SLCO2A1: variants seen among roughly 807,000 people sequenced by gnomAD.
SLCO2A1 encodes solute carrier organic anion transporter family member 2A1.
SLCO2A1 carries 60 observed loss-of-function variants against 71.7 expected under a neutral mutation model. The observed-to-expected ratio is 0.84, with a 90% CI of 0.68 to 1.04. The LOEUF is 1.04. SLCO2A1 is among the 50% of genes least tolerant of loss of function. SLCO2A1 has a pLI of 0.00. For missense variants in SLCO2A1, 745 were observed against 813.4 expected (o/e 0.92, Z 1.02); for synonymous variants, 308 against 326.7 (o/e 0.94, Z 0.62).
intron 1 of SLCO2A1, among the ~76,000 whole-genome samples, chr3:134,009,936 C>T (rs1301361282): frequency 6.6e-6 from 1 of 152,176 alleles, no homozygotes. Context: ...GGCTGCCTCC[C>T]AATGTCCTCC....
At chr3:134,018,036 G>C (rs984409498) in intron 1 of SLCO2A1, among the ~76,000 whole-genome samples, 1 of 152,158 alleles carries the variant, frequency 6.6e-6, no homozygotes, top group African/African-American at 2.4e-5. Context: ...ACCACCAGAA[G>C]ACAAACTGAA....
chr3:133,958,176 T>C (rs1933940645), intron 3 of SLCO2A1, among the ~76,000 whole-genome samples: 2 of 152,106 alleles, frequency 1.3e-5, no homozygotes, highest in African/African-American at 4.8e-5. Flanking sequence ...GATCCCAGGG[T>C]GAGGTCAGGG....
chr3:133,942,906 T>TGGGTGAGCCTGGGGCC (rs1385794984), intron 10 of SLCO2A1, 138 bp from the exon 11 acceptor site: 2 of 860,234 alleles, frequency 2.3e-6, no homozygotes, highest in Non-Finnish European at 3.4e-6. Flanking sequence ...CCAGGGAAGC[T>TGGGTGAGCCTGGGGCC]GGGTGAGCCT....
chr3:134,018,802 A>T (rs1278747674), intron 1 of SLCO2A1, among the ~76,000 whole-genome samples: 1 of 135,862 alleles, frequency 7.4e-6, no homozygotes, highest in Non-Finnish European at 1.5e-5. Flanking sequence ...TGTTTAATTT[A>T]GCATTCTGGA....
chr3:134,022,493 A>G (rs1415910876), intron 1 of SLCO2A1, among the ~76,000 whole-genome samples: 2 of 152,240 alleles, frequency 1.3e-5, no homozygotes, highest in African/African-American at 2.4e-5. Context: ...GTGTGTAAAC[A>G]TATTAGCTAA....
chr3:134,028,005 A>G (rs1344764712), intron 1 of SLCO2A1, among the ~76,000 whole-genome samples: 1 of 152,238 alleles, frequency 6.6e-6, no homozygotes, highest in Non-Finnish European at 1.5e-5. Context: ...TAGGAGGCCA[A>G]TTGGCCTGAG....
At chr3:134,021,126 AT>A (rs1239526657) in intron 1 of SLCO2A1, among the ~76,000 whole-genome samples, 1 of 152,008 alleles carries the variant, frequency 6.6e-6, no homozygotes, top group East Asian at 1.9e-4. Context: ...TTTGGTTTTG[AT>A]TTTGCTTTGG....
chr3:134,002,470 G>T (rs948350921), intron 1 of SLCO2A1, among the ~76,000 whole-genome samples: 7 of 152,202 alleles, frequency 4.6e-5, no homozygotes, highest in African/African-American at 1.4e-4. Flanking sequence ...GCAACCATTT[G>T]AGTTGAATAT....
chr3:133,994,679 C>T (rs1934927139), intron 1 of SLCO2A1, among the ~76,000 whole-genome samples: 1 of 152,276 alleles, frequency 6.6e-6, no homozygotes, highest in Non-Finnish European at 1.5e-5. Flanking sequence ...CTGGGCTTCA[C>T]ACTGAAGTCT....
rs1261874750 is a variant in SLCO2A1, at chr3:133,944,423, GGCTGAT to G, written c.1461+666_1461+671del. ...AAATGACTCAAGTCAGTTTGCTGCT[GGCTGAT>G]CCTAGGAGGTGTGGAGCCACAGAAA... On this transcript the variant is annotated intron_variant, in intron 10 of 13. Coordinates refer to ENST00000310926, the MANE Select transcript of SLCO2A1 (RefSeq NM_005630.3). Among the ~76,000 whole-genome samples the G allele has an allele frequency of 2.0e-5, 3 of 152,324 alleles. No homozygotes were observed. The East Asian group carries it at 5.8e-4, about 29-fold the overall frequency.
At chr3:133,966,754 G>C (rs1168209378) in intron 3 of SLCO2A1, among the ~76,000 whole-genome samples, 1 of 152,186 alleles carries the variant, frequency 6.6e-6, no homozygotes, top group Admixed American at 6.5e-5. Context: ...TGGGCCCAGT[G>C]GTTCCCATTT....
At chr3:133,996,611 G>A (rs1031409139) in intron 1 of SLCO2A1, among the ~76,000 whole-genome samples, 2 of 152,176 alleles carry the variant, frequency 1.3e-5, no homozygotes, top group African/African-American at 4.8e-5. Context: ...CTTCTGGCAT[G>A]GGAACATTTC....
rs189897821 is a variant in SLCO2A1 at position 133,980,810 on chromosome 3, C to G, written c.97-1192G>C. ...TCAGACAGAGCCCAGAACTCACTGC[C>G]TATCCATGTGTCCATGCTCACAGCC... On this transcript the variant is annotated intron_variant, in intron 1 of 13. Transcript: ENST00000310926. Among the ~76,000 whole-genome samples, 29 of 152,336 alleles carry G rather than the reference C, an allele frequency of 1.9e-4. No individual in the cohort carries two copies. In the East Asian group the frequency reaches 5.2e-3, roughly 27 times the overall value.
intron 1 of SLCO2A1, among the ~76,000 whole-genome samples, chr3:133,989,504 C>G (rs974642763): frequency 6.6e-6 from 1 of 152,210 alleles, no homozygotes; most frequent in Admixed American, 6.5e-5. Flanking sequence ...GACAGGCATC[C>G]AGTCCTCCCA....
At chr3:133,966,153 C>CT (rs1934158722) in intron 3 of SLCO2A1, among the ~76,000 whole-genome samples, 2 of 152,168 alleles carry the variant, frequency 1.3e-5, no homozygotes, top group Admixed American at 1.3e-4. Flanking sequence ...CAGCCTGTAT[C>CT]TATCAATAAG....
chr3:134,019,145 T>C (rs1198458044), intron 1 of SLCO2A1, among the ~76,000 whole-genome samples: 2 of 152,174 alleles, frequency 1.3e-5, no homozygotes, highest in East Asian at 1.9e-4. Context: ...GTGTTGATGG[T>C]GAGGGCCAGC....
chr3:133,938,806 A>T (rs574148352), intron 11 of SLCO2A1, among the ~76,000 whole-genome samples: 1 of 152,116 alleles, frequency 6.6e-6, no homozygotes, highest in East Asian at 1.9e-4. Context: ...GGAGATTCTG[A>T]TGCATCACTG....
intron 4 of SLCO2A1, among the ~76,000 whole-genome samples, chr3:133,954,682 C>T (rs1933837222): frequency 1.3e-5 from 2 of 152,136 alleles, no homozygotes; most frequent in South Asian, 2.1e-4. Context: ...TTACATATGC[C>T]ATCTCATGTA....
chr3:133,934,667 G>A lies in SLCO2A1; in HGVS notation c.*46C>T. On this transcript the variant is annotated 3_prime_UTR_variant, in exon 14 of 14. Coordinates refer to ENST00000310926, the MANE Select transcript of SLCO2A1 (RefSeq NM_005630.3). ...TTAGTGAGTATAGGCAGGTGTGGAA[G>A]AGTCAAGGTCCACTCTCTGGAGCAG... 7.7e-7 allele frequency: 1 copy of A among 1,303,228 alleles called. No individual in the cohort carries two copies. The highest frequency in any genetic ancestry group is 1.2e-5 in the South Asian group (1 of 84,154). The allele number at this position is 1,303,228 out of a possible 1,614,324, so 80.7% of individuals were successfully genotyped here. A position where few individuals can be genotyped will look rare whatever the true frequency, so the allele number is the denominator to read the frequency against.
Sources: allele counts gnomAD v4.1 joint callset (sites outside exome capture counted in the v4.1 genomes callset), GRCh38; gene constraint gnomAD v4.1.1; transcripts MANE v1.5; gene names NCBI Gene and HGNC (gene_info 2026-07-23, HGNC 2026-07-21).